CEP152: variants seen among roughly 807,000 people sequenced by gnomAD.
The protein encoded by CEP152 is centrosomal protein of 152 kDa.
Under a neutral mutation model 188.9 loss-of-function variants are expected in CEP152, and 132 were observed. That is an observed-to-expected ratio of 0.70 (90% CI 0.61 to 0.81). CEP152 has a LOEUF of 0.81. Ranked by LOEUF, CEP152 falls within the 30% of genes least tolerant of loss-of-function variation. CEP152 has a pLI of 0.00. For synonymous variants in CEP152, 649 were observed against 666.6 expected, an observed-to-expected ratio of 0.97 and a Z score of 0.41; for missense variants, 1,914 against 1,969.8, an observed-to-expected ratio of 0.97 and a Z score of 0.54.
chr15:48,810,030 C>A (rs1898227418), intron 1 of CEP152, among the ~76,000 whole-genome samples: 5 of 152,194 alleles, frequency 3.3e-5, no homozygotes, highest in Admixed American at 3.3e-4. Context: ...GCTTCAACTT[C>A]AGCTTCTCTT....
intron 17 of CEP152, among the ~76,000 whole-genome samples, chr15:48,766,051 A>T (rs1029366290): frequency 6.6e-6 from 1 of 152,150 alleles, no homozygotes; most frequent in Non-Finnish European, 1.5e-5. Context: ...AGGTAATATA[A>T]GATCCTTTCT....
At chr15:48,730,847 A>T (rs1204224109) in intron 2 of CEP152, among the ~76,000 whole-genome samples, 1 of 152,240 alleles carries the variant, frequency 6.6e-6, no homozygotes, top group Non-Finnish European at 1.5e-5. Flanking sequence ...ACACAACAAT[A>T]ATAATAAACC....
chr15:48,744,411 A>G, intron 23 of CEP152, 68 bp from the exon 24 acceptor site: 2 of 1,581,958 alleles, frequency 1.3e-6, no homozygotes, highest in Non-Finnish European at 1.7e-6. Flanking sequence ...AAAAATATAT[A>G]TGTATCCATA....
At chr15:48,775,101 A>T (rs1461373433) in intron 12 of CEP152, among the ~76,000 whole-genome samples, 5 of 152,032 alleles carry the variant, frequency 3.3e-5, no homozygotes, top group African/African-American at 1.2e-4. Context: ...TATGCAAAAT[A>T]AAAAGGGAAA....
chr15:48,736,619 G>T (rs138073576), downstream of CEP152, among the ~76,000 whole-genome samples: 629 of 152,160 alleles, frequency 4.1e-3, 3 homozygotes, highest in African/African-American at 0.015. Context: ...AGGTTACCTT[G>T]TCATACACCC....
intron 13 of CEP152, among the ~76,000 whole-genome samples, chr15:48,769,287 T>G (rs1409920171): frequency 1.3e-5 from 2 of 152,186 alleles, no homozygotes; most frequent in Admixed American, 1.3e-4. Flanking sequence ...CTACAGACCT[T>G]ATACAAATGT....
At chr15:48,797,827 C>T in intron 3 of CEP152, 97 bp from the exon 4 acceptor site, 1 of 1,526,800 alleles carries the variant, frequency 6.5e-7, no homozygotes, top group Non-Finnish European at 9.0e-7. Flanking sequence ...TCCTTCCAAT[C>T]TTCACCCAAA....
Position 48,738,239 on chromosome 15 carries a change from T to C in CEP152, c.*10A>G. 6.2e-7 allele frequency: 1 copy of C among 1,607,792 alleles called. No homozygotes were observed. Among genetic ancestry groups the C allele is most frequent in the Non-Finnish European group, 8.5e-7 (1 of 1,176,204 alleles). Reference sequence around the variant, plus strand: ...TATATTAATGATTCTTCTTAAATACTGTACCATAATTAGTCTAGATTAACA... The same window carrying C: ...TATATTAATGATTCTTCTTAAATACCGTACCATAATTAGTCTAGATTAACA... On this transcript the variant is annotated 3_prime_UTR_variant, in exon 27 of 27. Coordinates refer to ENST00000380950, the MANE Select transcript of CEP152 (RefSeq NM_001194998.2).
At position 48,769,573 on chromosome 15, in the gene CEP152, C is replaced by G. The variant is rs184641640; in HGVS notation, c.1783-492G>C. 2.0e-5 allele frequency among the ~76,000 whole-genome samples: 3 copies of G among 152,310 alleles called. No homozygotes were observed. In the East Asian group the frequency reaches 5.8e-4, roughly 29 times the overall value. ...CAGGAGACACATGATATCACTATGT[C>G]TCACCACTGGTAATAATCAATTGAA... On this transcript the variant is annotated intron_variant, in intron 13 of 26. Coordinates refer to ENST00000380950, the MANE Select transcript of CEP152 (RefSeq NM_001194998.2).
rs767135964 is a variant in CEP152 at position 48,756,199 on chromosome 15, G to C, written c.3049C>G (p.Gln1017Glu). 1.9e-6 allele frequency: 3 copies of C among 1,613,816 alleles called. No homozygotes were observed. The highest frequency in any genetic ancestry group is 4.5e-5 in the East Asian group (2 of 44,878). Residue 1017 changes from glutamine to glutamate, a missense_variant, in exon 20 of 27, where the codon CAA (glutamine) becomes GAA (glutamate). By Grantham distance (29) the Gln-to-Glu change is conservative. Coordinates refer to ENST00000380950, the MANE Select transcript of CEP152 (RefSeq NM_001194998.2). ...CTACGACTCTGGTCTAGACAAGTTT[G>C]TAATTCTGTCTCCTTCTGAAGAAGT... The part of the protein sequence containing the change: ...ELLLQKETEL[Q>E]TCLDQSRREW...
At chr15:48,808,981 GACTAT>G (rs1898169929) in intron 1 of CEP152, among the ~76,000 whole-genome samples, 3 of 152,120 alleles carry the variant, frequency 2.0e-5, no homozygotes, top group Admixed American at 6.5e-5. Context: ...CCCTTAACAA[GACTAT>G]AAAAAGTATG....
At chr15:48,787,169 T>TGTTTTTTG (rs1555425521) in intron 9 of CEP152, among the ~76,000 whole-genome samples, 3 of 140,240 alleles carry the variant, frequency 2.1e-5, no homozygotes, top group South Asian at 2.3e-4. Context: ...CTTCGTTTTT[T>TGTTTTTTG]TTTTTTTTTT....
At chr15:48,768,929 T>G in intron 14 of CEP152, 27 bp downstream of exon 14, 2 of 1,416,492 alleles carry the variant, frequency 1.4e-6, no homozygotes, top group Non-Finnish European at 1.9e-6. Flanking sequence ...AAAATTCTCA[T>G]AAAATATAAA....
At chr15:48,791,498 A>C in intron 7 of CEP152, 122 bp from the exon 8 acceptor site, 1 of 882,716 alleles carries the variant, frequency 1.1e-6, no homozygotes, top group South Asian at 1.6e-5. Context: ...TTAATTCAGA[A>C]AAATGAACTT....
In CEP152 at chr15:48,739,230, C is replaced by T; in HGVS notation, c.4152G>A (p.Val1384=). The T allele has an allele frequency of 6.2e-7, 1 of 1,613,446 alleles. No homozygotes were observed. Among genetic ancestry groups the T allele is most frequent in the Non-Finnish European group, 8.5e-7 (1 of 1,179,842 alleles). The change falls in exon 27 of 27, where the codon GTG becomes GTA. Residue 1384 remains valine, a synonymous_variant. Coordinates refer to ENST00000380950, the MANE Select transcript of CEP152 (RefSeq NM_001194998.2). The part of the protein sequence containing the change: ...IAVKKSKRND[V]NQKIPCCIES... Reference sequence around the variant, plus strand: ...CAATACAACATGGTATTTTCTGATTCACATCATTTCTTTTTGATTTTTTAA... The same window carrying T: ...CAATACAACATGGTATTTTCTGATTTACATCATTTCTTTTTGATTTTTTAA...
chr15:48,782,591 A>C (rs1896326613), intron 10 of CEP152, among the ~76,000 whole-genome samples: 1 of 152,128 alleles, frequency 6.6e-6, no homozygotes. Flanking sequence ...ACCCATTTCT[A>C]CCCTGCAATA....
At chr15:48,783,775 GTATATA>G (rs10652796) in intron 10 of CEP152, 192 bp downstream of exon 10, 4 of 182,042 alleles carry the variant, frequency 2.2e-5, no homozygotes, top group Non-Finnish European at 3.1e-5. Flanking sequence ...ATGTGTGTAT[GTATATA>G]TATATATATG....
At chr15:48,793,247 A>T in intron 7 of CEP152, 74 bp downstream of exon 7, 1 of 1,562,152 alleles carries the variant, frequency 6.4e-7, no homozygotes, top group Non-Finnish European at 8.8e-7. Flanking sequence ...TAAGCTTCGT[A>T]TGTAATCTGA....
At chr15:48,734,707 T>C (rs1044337723), downstream of CEP152, among the ~76,000 whole-genome samples, 1 of 151,818 alleles carries the variant, frequency 6.6e-6, no homozygotes, top group Non-Finnish European at 1.5e-5. Context: ...ACAGTAATCA[T>C]AAGAGAGCTG....
Sources: gnomAD v4.1 joint callset for allele counts (sites outside exome capture counted in the v4.1 genomes callset) on GRCh38, gnomAD v4.1.1 for gene constraint, MANE v1.5 for transcripts, NCBI Gene and HGNC (gene_info 2026-07-23, HGNC 2026-07-21) for gene names.